Variants in PRKDC observed in about 807,000 individuals in gnomAD.
PRKDC encodes DNA-dependent protein kinase catalytic subunit.
PRKDC carries 82 observed loss-of-function variants against 486.9 expected under a neutral mutation model. That is an observed-to-expected ratio of 0.17 (90% CI 0.14 to 0.20). The LOEUF (loss-of-function observed/expected upper bound fraction) is 0.20, where lower values mean the gene tolerates loss of function less well. Among genes scored for constraint, PRKDC ranks in the 10% least tolerant of loss-of-function variants. PRKDC has a pLI of 1.00. For missense variants in PRKDC, 4,504 were observed against 5,038.2 expected, an observed-to-expected ratio of 0.89 and a Z score of 3.21; for synonymous variants, 1,895 against 1,837.0, an observed-to-expected ratio of 1.03 and a Z score of -0.81.
At chr8:47,942,711 C>T (rs998244647) in intron 10 of PRKDC, among the ~76,000 whole-genome samples, 3 of 152,210 alleles carry the variant, frequency 2.0e-5, no homozygotes, top group Non-Finnish European at 4.4e-5. Context: ...GACCAGTGCT[C>T]AGAATGACAA....
intron 74 of PRKDC, 57 bp from the exon 75 acceptor site, chr8:47,789,295 A>C: frequency 2.4e-6 from 2 of 850,620 alleles, no homozygotes. Flanking sequence ...AAATCAATAT[A>C]TATTTTATAT....
intron 40 of PRKDC, 65 bp downstream of exon 40, chr8:47,877,650 TGGAACAGAG>T: frequency 1.5e-6 from 2 of 1,347,280 alleles, no homozygotes; most frequent in Non-Finnish European, 9.7e-7. Flanking sequence ...GCTTTTTTTT[TGGAACAGAG>T]AGGATAATTT....
chr8:47,780,632 G>GAT (rs2086683487), intron 80 of PRKDC, among the ~76,000 whole-genome samples: 1 of 152,168 alleles, frequency 6.6e-6, no homozygotes. Context: ...AAACTGAGAT[G>GAT]AAAATTCTTA....
At chr8:47,881,844 A>T in intron 37 of PRKDC, 68 bp downstream of exon 37, 1 of 1,359,410 alleles carries the variant, frequency 7.4e-7, no homozygotes, top group South Asian at 1.7e-5. Flanking sequence ...ACCTCCATCA[A>T]ATTTTAAAGA....
intron 40 of PRKDC, among the ~76,000 whole-genome samples, chr8:47,872,501 TAA>T (rs748681244): frequency 2.3e-3 from 168 of 74,098 alleles, no homozygotes; most frequent in African/African-American, 6.3e-3. Flanking sequence ...TATAAAAAAG[TAA>T]AAAAAAAAAA....
At chr8:47,900,201 A>C (rs958577013) in intron 28 of PRKDC, among the ~76,000 whole-genome samples, 172 bp downstream of exon 28, 1 of 152,182 alleles carries the variant, frequency 6.6e-6, no homozygotes, top group Non-Finnish European at 1.5e-5. Flanking sequence ...GGCATGAAAA[A>C]ATTATTAACA....
chr8:47,852,455 T>C (rs2088430375), intron 52 of PRKDC, among the ~76,000 whole-genome samples: 1 of 152,256 alleles, frequency 6.6e-6, no homozygotes, highest in Non-Finnish European at 1.5e-5. Flanking sequence ...TCTCTCCACG[T>C]TCACCAAGTT....
Position 47,950,164 on chromosome 8 carries a change from C to T in PRKDC, c.721+3456G>A, listed in dbSNP as rs186464993. 6.6e-5 allele frequency among the ~76,000 whole-genome samples: 10 copies of T among 151,640 alleles called. No individual in the cohort carries two copies. In the South Asian group the frequency reaches 2.1e-3, roughly 32 times the overall value. On this transcript the variant is annotated intron_variant, in intron 7 of 85. Transcript: ENST00000314191. ...GCACACGCCTGTAATCCCAGCTACT[C>T]GGGAGGCTGAGGCAAGAGAAAGGCT... is the stretch of plus-strand genomic sequence containing the variant.
chr8:47,932,986 T>C (rs2090282471), intron 16 of PRKDC, 34 bp downstream of exon 16: 3 of 1,531,762 alleles, frequency 2.0e-6, no homozygotes, highest in African/African-American at 2.8e-5. Flanking sequence ...GATACAAAAA[T>C]GATGAAAAAT....
chr8:47,921,007 A>C (rs1193179960), intron 21 of PRKDC, among the ~76,000 whole-genome samples: 1 of 152,186 alleles, frequency 6.6e-6, no homozygotes, highest in Middle Eastern at 3.2e-3. Flanking sequence ...TAATCCCAGC[A>C]CTTTGGGAGG....
intron 70 of PRKDC, among the ~76,000 whole-genome samples, chr8:47,802,569 G>A (rs1367899997): frequency 8.2e-5 from 12 of 146,498 alleles, no homozygotes; most frequent in Non-Finnish European, 1.6e-4. Flanking sequence ...TGCAACCTCC[G>A]CCTCCCAGGT....
Position 47,879,641 on chromosome 8 carries a change from A to G in PRKDC, c.5085T>C (p.Leu1695=), listed in dbSNP as rs764548139. 1.3e-6 allele frequency: 2 copies of G among 1,583,442 alleles called. No individual in the cohort carries two copies. Among genetic ancestry groups the G allele is most frequent in the South Asian group, 1.2e-5 (1 of 83,706 alleles). ...DLHLKGQAVT[L]LPFFTSLTGG... is the part of the protein sequence containing the mutation. Reference sequence around the variant, plus strand: ...CAGTGAGGCTGGTGAAGAATGGAAGAAGAGTGACAGCTTGGCCCTGTGGAG... The same window carrying G: ...CAGTGAGGCTGGTGAAGAATGGAAGGAGAGTGACAGCTTGGCCCTGTGGAG... The change falls in exon 39 of 86, where the codon CTT becomes CTC. Residue 1695 remains leucine, a synonymous_variant. Transcript: ENST00000314191.
chr8:47,911,465 G>A (rs1353502892), intron 25 of PRKDC, among the ~76,000 whole-genome samples: 2 of 152,228 alleles, frequency 1.3e-5, no homozygotes, highest in African/African-American at 4.8e-5. Context: ...TCATTGCTAC[G>A]TTAAATCTAT....
chr8:47,932,782 T>C (rs866856724), intron 16 of PRKDC, among the ~76,000 whole-genome samples: 1 of 151,956 alleles, frequency 6.6e-6, no homozygotes, highest in African/African-American at 2.4e-5. Flanking sequence ...ACCTAGTAAA[T>C]AATTTTTTCA....
At chr8:47,785,459 C>T (rs760999580) in intron 76 of PRKDC, 142 bp from the exon 77 acceptor site, 8 of 704,444 alleles carry the variant, frequency 1.1e-5, no homozygotes, top group African/African-American at 1.8e-5. Flanking sequence ...TTTGGTTGGG[C>T]ATGGTGGCTC....
intron 80 of PRKDC, 46 bp from the exon 81 acceptor site, chr8:47,779,139 T>A: frequency 7.2e-7 from 1 of 1,381,394 alleles, no homozygotes; most frequent in Non-Finnish European, 9.9e-7. Flanking sequence ...GATTTTAGCA[T>A]TATGTGATTT....
chr8:47,927,862 T>C lies in PRKDC; in HGVS notation c.2168A>G (p.Asp723Gly), dbSNP rs1336451046. 6.3e-7 allele frequency: 1 copy of C among 1,590,544 alleles called. No individual in the cohort carries two copies. Among genetic ancestry groups the C allele is most frequent in the Non-Finnish European group, 8.5e-7 (1 of 1,169,590 alleles). ...GGTCAAACAAGAGGCCAAAAGTTCA[T>C]CTTTGTACTGCTTCATTTTAACTGC... ...EVAVKMKQYK[D>G]ELLASCLTFL... is the part of the protein sequence containing the mutation. Residue 723 changes from aspartate (D) to glycine (G), a missense_variant, in exon 20 of 86, where the codon GAT becomes GGT. By Grantham distance (94) the Asp-to-Gly change is moderately conservative. Around this residue, in one of 6 missense-constraint regions of PRKDC, gnomAD observed 1,969 missense variants for 2,068.9 expected, o/e 0.95. Transcript: ENST00000314191.
chr8:47,907,613 C>T (rs575701022), intron 25 of PRKDC, among the ~76,000 whole-genome samples: 9 of 145,038 alleles, frequency 6.2e-5, no homozygotes, highest in African/African-American at 7.7e-5. Flanking sequence ...GGGCTCACTG[C>T]GACCTCTGAC....
Position 47,847,281 on chromosome 8 carries a change from G to A in PRKDC, c.7280+1873C>T, listed in dbSNP as rs972242916. ...TAATCAAAACAGCATGGTACTGGTC[G>A]GGGGAAAAAACAAAATACAAAAAAA... On this transcript the variant is annotated intron_variant, in intron 54 of 85. Transcript: ENST00000314191. Among the ~76,000 whole-genome samples, 16 of 151,988 alleles carry A rather than the reference G, an allele frequency of 1.1e-4. 1 individual carries two copies. The South Asian group carries it at 1.2e-3, about 12-fold the overall frequency.
Sources: allele counts gnomAD v4.1 joint callset (sites outside exome capture counted in the v4.1 genomes callset), GRCh38; gene constraint gnomAD v4.1.1; regional missense constraint gnomAD v4.1.1; transcripts MANE v1.5; gene names NCBI Gene and HGNC (gene_info 2026-07-23, HGNC 2026-07-21).